The following ZNF362 variants were observed in gnomAD, a reference collection of about 807,000 sequenced individuals.
The protein encoded by ZNF362 is rotund homolog.
A neutral mutation model predicts 42.9 loss-of-function variants in ZNF362; 11 were observed. That is an observed-to-expected ratio of 0.26 (90% CI 0.16 to 0.42). ZNF362 has a LOEUF of 0.42. ZNF362 is among the 20% of genes least tolerant of loss of function. The probability of loss-of-function intolerance (pLI) is 1.00; values close to 1 mark genes in which losing one functional copy is unlikely to be tolerated. For missense variants in ZNF362, 362 were observed against 576.2 expected, an observed-to-expected ratio of 0.63 and a Z score of 3.81; for synonymous variants, 255 against 257.3, an observed-to-expected ratio of 0.99 and a Z score of 0.09.
the ZNF362 span, chr1:33,180,934 C>T: frequency 1.1e-6 from 1 of 882,400 alleles, no homozygotes; most frequent in Non-Finnish European, 1.6e-6. Context: ...CTGACTGGGC[C>T]TGGCCCGCGG....
At chr1:33,228,172 G>T in the ZNF362 span, among the ~76,000 whole-genome samples, 1 of 152,008 alleles carries the variant, frequency 6.6e-6, no homozygotes, top group Non-Finnish European at 1.5e-5. Context: ...CCAAATCTGT[G>T]TGTCCACAAG....
At chr1:33,195,455 G>A in the ZNF362 span, 1 of 152,136 alleles carries the variant, frequency 6.6e-6, no homozygotes. Flanking sequence ...GCACCTTTAG[G>A]TGTTTTTTGT....
At chr1:33,165,589 A>T in the ZNF362 span, 1 of 1,589,804 alleles carries the variant, frequency 6.3e-7, no homozygotes, top group Non-Finnish European at 8.6e-7. This position sits in a 1 kb window ranked among gnomAD's most constrained non-coding sequence, Gnocchi z 4.0. Context: ...CAGGGCCGGG[A>T]TGGGGGCAGG....
chr1:33,191,400 T>C, the ZNF362 span, among the ~76,000 whole-genome samples: 2 of 152,242 alleles, frequency 1.3e-5, no homozygotes, highest in Admixed American at 1.3e-4. Flanking sequence ...CTTCTTCCTA[T>C]GTTCCTTCCC....
At chr1:33,181,073 G>A in the ZNF362 span, 1 of 1,600,160 alleles carries the variant, frequency 6.2e-7, no homozygotes. This position sits in a 1 kb window ranked among gnomAD's most constrained non-coding sequence, Gnocchi z 6.5. Flanking sequence ...GATGCTGCTC[G>A]TGCAGTGCAG....
At chr1:33,256,010 G>A (rs565142377), upstream of ZNF362, among the ~76,000 whole-genome samples, 1 of 151,724 alleles carries the variant, frequency 6.6e-6, no homozygotes, top group East Asian at 2.0e-4. Context: ...CACGGCCGCC[G>A]GGGCCCCGGG....
At chr1:33,269,881 C>G (rs1645889553) in intron 1 of ZNF362, among the ~76,000 whole-genome samples, 1 of 152,128 alleles carries the variant, frequency 6.6e-6, no homozygotes, top group Non-Finnish European at 1.5e-5. Flanking sequence ...GTGGCAGGGC[C>G]TGGCACCTGA....
At chr1:33,235,470 C>T in the ZNF362 span, among the ~76,000 whole-genome samples, 1 of 152,172 alleles carries the variant, frequency 6.6e-6, no homozygotes, top group Non-Finnish European at 1.5e-5. Context: ...CCAGGCTAAG[C>T]CTAGCCTAGG....
At chr1:33,188,501 C>T in the ZNF362 span, among the ~76,000 whole-genome samples, 1 of 152,248 alleles carries the variant, frequency 6.6e-6, no homozygotes, top group South Asian at 2.1e-4. Context: ...ACAGAGAAGG[C>T]AAATCTGTAT....
At position 33,256,581 on chromosome 1, in the gene ZNF362, C is replaced by T. The variant is rs1430427742; in HGVS notation, c.-162C>T. 2 of 147,092 alleles carry T rather than the reference C, an allele frequency of 1.4e-5. No individual in the cohort carries two copies. The highest frequency in any genetic ancestry group is 3.0e-5 in the Non-Finnish European group (2 of 65,916). 9.1% of individuals were successfully genotyped at this position (147,092 alleles called of 1,614,324 possible). A position where few individuals can be genotyped will look rare whatever the true frequency, so the allele number is the denominator to read the frequency against. Reference sequence around the variant, plus strand: ...CCGAGCCCGGAGCCTGTGCCGGAGCCCCAGCCCGGCCCTGCTCGGGCCGCC... The same window carrying T: ...CCGAGCCCGGAGCCTGTGCCGGAGCTCCAGCCCGGCCCTGCTCGGGCCGCC... On this transcript the variant is annotated 5_prime_UTR_variant, in exon 1 of 9. Transcript: ENST00000539719.
At chr1:33,205,011 GA>G in the ZNF362 span, among the ~76,000 whole-genome samples, 1 of 152,076 alleles carries the variant, frequency 6.6e-6, no homozygotes, top group Non-Finnish European at 1.5e-5. Context: ...AGAAATTAAA[GA>G]CTCAAATAAA....
chr1:33,284,342 ACATTTCTGGCACAG>A (rs1646017274), intron 6 of ZNF362, among the ~76,000 whole-genome samples: 1 of 152,226 alleles, frequency 6.6e-6, no homozygotes, highest in Middle Eastern at 3.2e-3. Flanking sequence ...TTTAACTGTG[ACATTTCTGGCACAG>A]CCATGGTTAC....
the ZNF362 span, among the ~76,000 whole-genome samples, chr1:33,136,453 C>G: frequency 5.3e-5 from 8 of 151,852 alleles, no homozygotes; most frequent in Non-Finnish European, 7.4e-5. Context: ...ACTGCAATCT[C>G]TGCCTCCCAG....
the ZNF362 span, among the ~76,000 whole-genome samples, chr1:33,236,572 T>TATAC: frequency 1.0e-5 from 1 of 98,716 alleles, no homozygotes; most frequent in African/African-American, 3.7e-5. Context: ...TATATATATA[T>TATAC]ACATACACAC....
Position 33,299,330 on chromosome 1 carries a change from C to A in ZNF362, c.*284C>A. On this transcript the variant is annotated 3_prime_UTR_variant, in exon 9 of 9. Transcript: ENST00000539719. The stretch of plus-strand genomic sequence containing the variant: ...TTTGTTCCCCACCCTTCACTTGCTT[C>A]ACTGTTTTTTTTTTTTTCGTTTTTT... 31 of 210,830 alleles carry A rather than the reference C, an allele frequency of 1.5e-4. No homozygotes were observed. Among genetic ancestry groups the A allele is most frequent in the East Asian group, 3.2e-4 (4 of 12,418 alleles). The allele number at this position is 210,830 out of a possible 1,614,324, so 13.1% of individuals were successfully genotyped here.
chr1:33,228,814 G>C, the ZNF362 span, among the ~76,000 whole-genome samples: 4 of 152,118 alleles, frequency 2.6e-5, no homozygotes, highest in African/African-American at 9.7e-5. Flanking sequence ...ATTTTAAAAT[G>C]AAGGTCAAGC....
At chr1:33,262,882 G>C (rs925405441) in intron 1 of ZNF362, among the ~76,000 whole-genome samples, 27 of 152,236 alleles carry the variant, frequency 1.8e-4, no homozygotes, top group African/African-American at 6.5e-4. Flanking sequence ...GTCTGCTGGA[G>C]TGTGCATGCA....
chr1:33,251,725 G>A (rs545964616), upstream of ZNF362, among the ~76,000 whole-genome samples: 19 of 152,226 alleles, frequency 1.2e-4, no homozygotes, highest in African/African-American at 4.1e-4. Flanking sequence ...TTCACGTACT[G>A]TTCTCTCTGT....
Position 33,299,323 on chromosome 1 carries a change from C to G in ZNF362, c.*277C>G. The G allele has an allele frequency of 3.7e-6, 1 of 266,876 alleles. No individual in the cohort carries two copies. Among genetic ancestry groups the G allele is most frequent in the Non-Finnish European group, 6.8e-6 (1 of 147,310 alleles). The allele number at this position is 266,876 out of a possible 1,614,324, so 16.5% of individuals were successfully genotyped here. A position where few individuals can be genotyped will look rare whatever the true frequency, so the allele number is the denominator to read the frequency against. The stretch of plus-strand genomic sequence containing the variant: ...TTTTCTTTTTGTTCCCCACCCTTCA[C>G]TTGCTTCACTGTTTTTTTTTTTTTC... On this transcript the variant is annotated 3_prime_UTR_variant, in exon 9 of 9. Transcript: ENST00000539719.
Sources: allele counts gnomAD v4.1 joint callset (sites outside exome capture counted in the v4.1 genomes callset), GRCh38; gene constraint gnomAD v4.1.1; non-coding constraint Gnocchi (gnomAD v3.1); transcripts MANE v1.5; gene names NCBI Gene and HGNC (gene_info 2026-07-23, HGNC 2026-07-21).